The following SORCS1 variants were observed in gnomAD, a reference collection of about 807,000 sequenced individuals.
SORCS1 encodes the protein VPS10 domain-containing receptor SorCS1.
A neutral mutation model predicts 146.1 loss-of-function variants in SORCS1; 60 were observed. That is an observed-to-expected ratio of 0.41 (90% CI 0.33 to 0.51). The LOEUF (loss-of-function observed/expected upper bound fraction) is 0.51, where lower values mean the gene tolerates loss of function less well. SORCS1 is among the 20% of genes least tolerant of loss of function. The pLI, the probability that SORCS1 is intolerant of heterozygous loss-of-function variation, is 0.21. For synonymous variants in SORCS1, 637 were observed against 584.0 expected (o/e 1.09, Z -1.31); for missense variants, 1,352 against 1,487.6 (o/e 0.91, Z 1.50).
chr10:106,868,251 G>A (rs906731242), intron 2 of SORCS1, among the ~76,000 whole-genome samples: 1 of 152,044 alleles, frequency 6.6e-6, no homozygotes, highest in African/African-American at 2.4e-5. Context: ...TAATAATAGC[G>A]GGAGACTTCA....
At chr10:106,743,548 C>A (rs1401468067) in intron 5 of SORCS1, among the ~76,000 whole-genome samples, 1 of 152,164 alleles carries the variant, frequency 6.6e-6, no homozygotes, top group African/African-American at 2.4e-5. Context: ...CCTCAGCCTC[C>A]TGAGTAGCTG....
intron 24 of SORCS1, among the ~76,000 whole-genome samples, chr10:106,587,857 T>C (rs888781665): frequency 2.6e-5 from 4 of 152,062 alleles, no homozygotes; most frequent in African/African-American, 9.7e-5. Flanking sequence ...GGGGGGGTCA[T>C]GTTTTTTTAT....
At chr10:106,958,016 C>A (rs922518461) in intron 1 of SORCS1, among the ~76,000 whole-genome samples, 2 of 152,160 alleles carry the variant, frequency 1.3e-5, no homozygotes, top group Admixed American at 6.5e-5. Context: ...TTCTCAGTCA[C>A]ACCAAAACCC....
chr10:106,685,111 T>A (rs73378376), intron 10 of SORCS1, among the ~76,000 whole-genome samples: 1 of 152,204 alleles, frequency 6.6e-6, no homozygotes, highest in Non-Finnish European at 1.5e-5. Flanking sequence ...TTTGTTAACT[T>A]TGGGTTCCAC....
At chr10:106,593,005 G>A (rs1845698676) in intron 24 of SORCS1, among the ~76,000 whole-genome samples, 2 of 151,892 alleles carry the variant, frequency 1.3e-5, no homozygotes, top group South Asian at 4.2e-4. Flanking sequence ...GCCGGGCATG[G>A]TGGCATGAAT....
rs1032679266 is a variant in SORCS1, at chr10:107,102,996, T to C, written c.558+60973A>G. ...TAGCACCAAAATAATGCAGATAACA[T>C]TTTTTGCCTATCTAATTCGTTCTAC... On this transcript the variant is annotated intron_variant, in intron 1 of 25. Coordinates refer to ENST00000263054, the MANE Select transcript of SORCS1 (RefSeq NM_052918.5). 3.9e-5 allele frequency among the ~76,000 whole-genome samples: 6 copies of C among 152,262 alleles called. No individual in the cohort carries two copies. In the East Asian group the frequency reaches 1.2e-3, roughly 29 times the overall value.
intron 1 of SORCS1, among the ~76,000 whole-genome samples, chr10:107,143,208 C>G (rs1346897594): frequency 1.3e-5 from 2 of 152,142 alleles, no homozygotes; most frequent in Admixed American, 1.3e-4. Context: ...ACTGGTCTCC[C>G]TTTTTTCTAT....
At position 106,883,145 on chromosome 10, in the gene SORCS1, G is replaced by T. The variant is rs369058512; in HGVS notation, c.627-53472C>A. Reference sequence around the variant, plus strand: ...GCCACTGGCATTTCAGAGTCAGATGGTTTTCAATTTGATTTGATTTTAGAA... The same window carrying T: ...GCCACTGGCATTTCAGAGTCAGATGTTTTTCAATTTGATTTGATTTTAGAA... On this transcript the variant is annotated intron_variant, in intron 2 of 25. Transcript: ENST00000263054. 4.6e-5 allele frequency among the ~76,000 whole-genome samples: 7 copies of T among 152,134 alleles called. No individual in the cohort carries two copies. The East Asian group carries it at 1.3e-3, about 29-fold the overall frequency.
At chr10:107,116,636 C>T (rs1006076004) in intron 1 of SORCS1, among the ~76,000 whole-genome samples, 3 of 152,006 alleles carry the variant, frequency 2.0e-5, no homozygotes, top group Admixed American at 1.3e-4. Context: ...AGGAAGTTAC[C>T]AGGGACTAGG....
chr10:106,840,571 T>C (rs1316704449), intron 2 of SORCS1, among the ~76,000 whole-genome samples: 1 of 151,954 alleles, frequency 6.6e-6, no homozygotes, highest in Non-Finnish European at 1.5e-5. Flanking sequence ...ACTTAGTAGA[T>C]AAAGTAATGG....
chr10:107,116,701 A>G (rs1477982728), intron 1 of SORCS1, among the ~76,000 whole-genome samples: 2 of 152,186 alleles, frequency 1.3e-5, no homozygotes, highest in Non-Finnish European at 2.9e-5. Flanking sequence ...CAATTTTAAG[A>G]TGAACAAATT....
At chr10:106,816,993 C>T (rs571578067) in intron 3 of SORCS1, among the ~76,000 whole-genome samples, 2 of 152,254 alleles carry the variant, frequency 1.3e-5, no homozygotes, top group South Asian at 4.1e-4. Context: ...GCACAAAGGG[C>T]TTGGGCCCAA....
At chr10:107,035,285 A>AG (rs1958858098) in intron 1 of SORCS1, among the ~76,000 whole-genome samples, 7 of 150,396 alleles carry the variant, frequency 4.7e-5, no homozygotes, top group Non-Finnish European at 8.8e-5. Context: ...ACAACAAAAA[A>AG]AAAAACACAG....
At chr10:106,818,709 C>T (rs542591428) in intron 3 of SORCS1, among the ~76,000 whole-genome samples, 7 of 152,254 alleles carry the variant, frequency 4.6e-5, no homozygotes, top group South Asian at 2.1e-4. Context: ...ACATGTTTTA[C>T]GAGTCTAAAT....
chr10:106,614,229 A>G (rs59284514), intron 21 of SORCS1, among the ~76,000 whole-genome samples: 1 of 152,302 alleles, frequency 6.6e-6, no homozygotes, highest in East Asian at 1.9e-4. Context: ...AGCCTTCTCG[A>G]AATTTATGCA....
intron 1 of SORCS1, among the ~76,000 whole-genome samples, chr10:107,023,590 C>T (rs1958250303): frequency 6.6e-6 from 1 of 151,980 alleles, no homozygotes; most frequent in Non-Finnish European, 1.5e-5. Flanking sequence ...CAAGATAGTA[C>T]ACGATTACAT....
At chr10:107,031,878 A>G (rs1958673342) in intron 1 of SORCS1, among the ~76,000 whole-genome samples, 1 of 152,088 alleles carries the variant, frequency 6.6e-6, no homozygotes, top group African/African-American at 2.4e-5. Flanking sequence ...CCCATTCCCA[A>G]CTTTTCTTCA....
At chr10:107,118,925 A>G (rs557096385) in intron 1 of SORCS1, among the ~76,000 whole-genome samples, 1 of 152,304 alleles carries the variant, frequency 6.6e-6, no homozygotes, top group African/African-American at 2.4e-5. Context: ...CAATCTCAAG[A>G]ACCAGCAATG....
At chr10:107,123,266 GAT>G (rs1966510677) in intron 1 of SORCS1, among the ~76,000 whole-genome samples, 1 of 152,116 alleles carries the variant, frequency 6.6e-6, no homozygotes, top group South Asian at 2.1e-4. Context: ...GCCCACATCT[GAT>G]GTTGAAAGCT....
Sources: gnomAD v4.1 joint callset for allele counts (sites outside exome capture counted in the v4.1 genomes callset) on GRCh38, gnomAD v4.1.1 for gene constraint, MANE v1.5 for transcripts, NCBI Gene and HGNC (gene_info 2026-07-23, HGNC 2026-07-21) for gene names.